The following NEK11 variants were observed in gnomAD, a reference collection of about 807,000 sequenced individuals.
The protein encoded by NEK11 is serine/threonine-protein kinase Nek11.
In NEK11, 72 loss-of-function variants were observed where a neutral mutation model predicts 80.7. The observed-to-expected ratio is 0.89, with a 90% CI of 0.74 to 1.08. The LOEUF is 1.08. NEK11 is among the 50% of genes least tolerant of loss of function. The pLI, the probability that NEK11 is intolerant of heterozygous loss-of-function variation, is 0.00. For synonymous variants in NEK11, 251 were observed against 260.7 expected, an observed-to-expected ratio of 0.96 and a Z score of 0.36; for missense variants, 764 against 763.6, an observed-to-expected ratio of 1.00 and a Z score of -0.01.
chr3:131,137,444 T>C (rs1488607054), intron 7 of NEK11, among the ~76,000 whole-genome samples: 1 of 152,118 alleles, frequency 6.6e-6, no homozygotes, highest in Non-Finnish European at 1.5e-5. Flanking sequence ...AGCAGCTTCA[T>C]CAGCTCCCTC....
intron 3 of NEK11, among the ~76,000 whole-genome samples, chr3:131,074,543 A>G (rs1195305880): frequency 1.3e-5 from 2 of 152,182 alleles, no homozygotes; most frequent in Non-Finnish European, 2.9e-5. Context: ...TATAATGTAT[A>G]AAGTCATTTT....
At chr3:131,189,769 C>T (rs574582019) in intron 14 of NEK11, among the ~76,000 whole-genome samples, 1 of 152,104 alleles carries the variant, frequency 6.6e-6, no homozygotes, top group Admixed American at 6.6e-5. Context: ...TGCCATAAAC[C>T]TCTGTGCCTC....
At position 131,230,554 on chromosome 3, in the gene NEK11, A is replaced by C. The variant is rs531723571; in HGVS notation, c.1560+1866A>C. ...AAGTTACTCAGTCAAGGTATCCAGT[A>C]CCTCTTTATGATACTGCCAAAACTC... On this transcript the variant is annotated intron_variant, in intron 15 of 17. Transcript: ENST00000383366. Among the ~76,000 whole-genome samples, 135 of 152,142 alleles carry C rather than the reference A, an allele frequency of 8.9e-4. 1 individual carries two copies. Among genetic ancestry groups the C allele is most frequent in the Non-Finnish European group, 1.2e-3 (84 of 68,006 alleles).
intron 14 of NEK11, among the ~76,000 whole-genome samples, chr3:131,202,425 G>A (rs973245078): frequency 9.2e-5 from 14 of 152,086 alleles, no homozygotes; most frequent in African/African-American, 3.1e-4. Context: ...CTTAGCAAAC[G>A]GCACACCAGG....
At chr3:131,347,573 C>T (rs1405736271) in intron 17 of NEK11, among the ~76,000 whole-genome samples, 2 of 152,082 alleles carry the variant, frequency 1.3e-5, no homozygotes, top group Non-Finnish European at 1.5e-5. Flanking sequence ...CTAATGTCTC[C>T]AATGTTATTA....
At chr3:131,299,177 C>T (rs780579681) in intron 17 of NEK11, among the ~76,000 whole-genome samples, 46 of 152,046 alleles carry the variant, frequency 3.0e-4, no homozygotes, top group Non-Finnish European at 6.0e-4. Context: ...TTTCATCACC[C>T]AGGTGATAAG....
rs777775977 is a variant in NEK11, at chr3:131,132,799, C to T, written c.510C>T (p.Leu170=). The T allele has an allele frequency of 6.7e-7, 1 of 1,482,614 alleles. No homozygotes were observed. The highest frequency in any genetic ancestry group is 9.2e-7 in the Non-Finnish European group (1 of 1,083,040). The allele number at this position is 1,482,614 out of a possible 1,614,324, so 91.8% of individuals were successfully genotyped here. A position where few individuals can be genotyped will look rare whatever the true frequency, so the allele number is the denominator to read the frequency against. The change falls in exon 6 of 18, where the codon CTC becomes CTT. Residue 170 remains leucine, a synonymous_variant. Transcript: ENST00000383366. ...KSKNVFLKNN[L]LKIGDFGVSR... is the part of the protein sequence containing the mutation. Reference sequence around the variant, plus strand: ...AGAATGTATTTCTGAAAAATAATCTCCTTAAAATTGGTAAGATTTTAAAAA... The same window carrying T: ...AGAATGTATTTCTGAAAAATAATCTTCTTAAAATTGGTAAGATTTTAAAAA...
chr3:131,324,276 A>G (rs2096932172), intron 17 of NEK11, among the ~76,000 whole-genome samples: 1 of 152,334 alleles, frequency 6.6e-6, no homozygotes, highest in Non-Finnish European at 1.5e-5. Context: ...AAGAGGCCTC[A>G]GAGGAACATG....
chr3:131,254,614 A>G (rs969915839), intron 16 of NEK11, among the ~76,000 whole-genome samples: 1 of 152,226 alleles, frequency 6.6e-6, no homozygotes, highest in Non-Finnish European at 1.5e-5. Context: ...AGCATCTGTG[A>G]AATTCTAATT....
chr3:131,051,978 T>C (rs1014081276), intron 3 of NEK11, among the ~76,000 whole-genome samples: 8 of 152,176 alleles, frequency 5.3e-5, no homozygotes, highest in Non-Finnish European at 1.2e-4. Context: ...CTTTTTTGAG[T>C]TCTCATCCTC....
chr3:131,325,519 C>T (rs147361645), intron 17 of NEK11: 1 of 152,066 alleles, frequency 6.6e-6, no homozygotes, highest in Non-Finnish European at 1.5e-5. Context: ...ATTTCTTAAA[C>T]TGGGAGTTAG....
rs569787240 is a variant in NEK11, at chr3:131,245,397, T to G, written c.1621+1901T>G. ...ATATCTTTGCTGTTGTGAATAGTGC[T>G]GCAATAAACATAAAAGTGCAGGTAT... is the stretch of plus-strand genomic sequence containing the variant. On this transcript the variant is annotated intron_variant, in intron 16 of 17. Coordinates refer to ENST00000383366, the MANE Select transcript of NEK11 (RefSeq NM_024800.5). Among the ~76,000 whole-genome samples, 14 of 152,176 alleles carry G rather than the reference T, an allele frequency of 9.2e-5. No individual in the cohort carries two copies. The East Asian group carries it at 2.7e-3, about 29-fold the overall frequency.
At chr3:131,155,397 T>C (rs1291193555) in intron 10 of NEK11, among the ~76,000 whole-genome samples, 2 of 152,162 alleles carry the variant, frequency 1.3e-5, no homozygotes, top group Non-Finnish European at 2.9e-5. Flanking sequence ...GAAGTTAATA[T>C]CTCAAATATT....
At chr3:131,184,511 T>C (rs2093515073) in intron 14 of NEK11, among the ~76,000 whole-genome samples, 1 of 152,194 alleles carries the variant, frequency 6.6e-6, no homozygotes, top group Non-Finnish European at 1.5e-5. Flanking sequence ...TGTTGCTAAG[T>C]ATTTGCTGAA....
At chr3:131,223,677 T>G (rs2095100269) in intron 14 of NEK11, among the ~76,000 whole-genome samples, 1 of 152,226 alleles carries the variant, frequency 6.6e-6, no homozygotes, top group Admixed American at 6.5e-5. Flanking sequence ...AGCCTAAAAT[T>G]GTTTTACTAT....
chr3:131,062,319 A>G (rs1321663235), intron 3 of NEK11, among the ~76,000 whole-genome samples: 1 of 152,240 alleles, frequency 6.6e-6, no homozygotes, highest in East Asian at 1.9e-4. Flanking sequence ...CAACCTTGTG[A>G]TCTGAACCGG....
intron 17 of NEK11, among the ~76,000 whole-genome samples, chr3:131,274,976 C>T (rs962104025): frequency 1.3e-5 from 2 of 152,110 alleles, no homozygotes; most frequent in African/African-American, 4.8e-5. Flanking sequence ...TTAATGATTG[C>T]CATTCTAACT....
At chr3:131,097,475 C>T (rs11915348) in intron 4 of NEK11, among the ~76,000 whole-genome samples, 2,265 of 152,210 alleles carry the variant, frequency 0.015, 65 homozygotes, top group African/African-American at 0.051. Context: ...TTGCATTTCT[C>T]TAATGGCCAG....
intron 17 of NEK11, among the ~76,000 whole-genome samples, chr3:131,280,222 C>A (rs187639667): frequency 6.6e-6 from 1 of 152,290 alleles, no homozygotes; most frequent in African/African-American, 2.4e-5. Flanking sequence ...GTGACATTCT[C>A]TGAATCACCT....
Sources: gnomAD v4.1 joint callset for allele counts (sites outside exome capture counted in the v4.1 genomes callset) on GRCh38, gnomAD v4.1.1 for gene constraint, MANE v1.5 for transcripts, NCBI Gene and HGNC (gene_info 2026-07-23, HGNC 2026-07-21) for gene names.